POGLUT3: variants seen among roughly 807,000 people sequenced by gnomAD.
The protein encoded by POGLUT3 is protein O-glucosyltransferase 3.
In POGLUT3, 48 loss-of-function variants were observed where a neutral mutation model predicts 54.3. The ratio of observed to expected loss-of-function variants is 0.88; its 90% CI spans 0.70 to 1.12. The LOEUF (loss-of-function observed/expected upper bound fraction) is 1.12. Ranked by LOEUF, POGLUT3 falls within the 50% of genes most tolerant of loss-of-function variation. POGLUT3 has a pLI of 0.00. For missense variants in POGLUT3, 629 were observed against 618.7 expected, an observed-to-expected ratio of 1.02 and a Z score of -0.18; for synonymous variants, 218 against 237.4, an observed-to-expected ratio of 0.92 and a Z score of 0.75.
rs1391271858 is a variant in POGLUT3 at position 108,472,827 on chromosome 11, A to G, written c.*2000T>C. On this transcript the variant is annotated 3_prime_UTR_variant, in exon 8 of 8. Coordinates refer to ENST00000323468, the MANE Select transcript of POGLUT3 (RefSeq NM_153705.5). ...CAAATTCATTAGGTATGGGCTCAGG[A>G]CAGCTTGCTCTTATTTAATACTTGC... The G allele has an allele frequency of 2.0e-5, 3 of 152,194 alleles. No homozygotes were observed. In the East Asian group the frequency reaches 5.8e-4, roughly 29 times the overall value. 9.4% of individuals were successfully genotyped at this position (152,194 alleles called of 1,614,324 possible).
intron 7 of POGLUT3, among the ~76,000 whole-genome samples, chr11:108,475,392 G>A (rs1203047687): frequency 2.0e-5 from 3 of 151,748 alleles, no homozygotes; most frequent in African/African-American, 7.3e-5. Flanking sequence ...ATTTTTGAAT[G>A]GCAACAGGTC....
At chr11:108,479,757 T>C (rs2093589235) in intron 5 of POGLUT3, among the ~76,000 whole-genome samples, 1 of 152,234 alleles carries the variant, frequency 6.6e-6, no homozygotes, top group Admixed American at 6.5e-5. Flanking sequence ...CCTATTTCAA[T>C]CATGTCTCTG....
chr11:108,476,372 A>G (rs1275092941), intron 7 of POGLUT3, among the ~76,000 whole-genome samples: 3 of 152,118 alleles, frequency 2.0e-5, no homozygotes, highest in Non-Finnish European at 4.4e-5. Flanking sequence ...ACCTCAGGTG[A>G]TCCACCCTCC....
chr11:108,481,968 T>G (rs767782650), intron 4 of POGLUT3, 38 bp downstream of exon 4: 2 of 1,513,198 alleles, frequency 1.3e-6, no homozygotes, highest in Non-Finnish European at 1.8e-6. Context: ...GTCTCTAAGC[T>G]TTTTCTTCAT....
chr11:108,481,098 T>G, intron 5 of POGLUT3, 82 bp downstream of exon 5: 1 of 1,056,624 alleles, frequency 9.5e-7, no homozygotes, highest in Non-Finnish European at 1.4e-6. Flanking sequence ...CCAGGTGAAA[T>G]TTGCTGAAGC....
chr11:108,497,698 C>T (rs1468506901), intron 1 of POGLUT3, among the ~76,000 whole-genome samples: 1 of 152,216 alleles, frequency 6.6e-6, no homozygotes. Context: ...ACCCCTCCTC[C>T]TTCCTACGGC....
rs568802217 is a variant in POGLUT3 at position 108,483,382 on chromosome 11, C to A, written c.685-1160G>T. Among the ~76,000 whole-genome samples, 19 of 152,270 alleles carry A rather than the reference C, an allele frequency of 1.2e-4. No individual in the cohort carries two copies. The East Asian group carries it at 3.1e-3, about 25-fold the overall frequency. On this transcript the variant is annotated intron_variant, in intron 3 of 7. Coordinates refer to ENST00000323468, the MANE Select transcript of POGLUT3 (RefSeq NM_153705.5). ...AGTCTCCTTTCTCATCCTCCAAGCC[C>A]AGATCTAACACCACCTCTTCTATGA...
Position 108,486,221 on chromosome 11 carries a change from G to T in POGLUT3, c.620C>A (p.Ser207Tyr), listed in dbSNP as rs2093603013. 6.2e-7 allele frequency: 1 copy of T among 1,613,792 alleles called. No individual in the cohort carries two copies. Among genetic ancestry groups the T allele is most frequent in the South Asian group, 1.1e-5 (1 of 91,068 alleles). Residue 207 changes from serine to tyrosine, a missense_variant, in exon 3 of 8, where the codon TCT (serine) becomes TAT (tyrosine). Physicochemically the swap from Ser to Tyr is moderately radical, Grantham distance 144. Coordinates refer to ENST00000323468, the MANE Select transcript of POGLUT3 (RefSeq NM_153705.5). ...CTTGAAGTCTGTGTATTTCCCTAAA[G>T]ATCTCCGGTAAACATGGTTATTGAG... ...TILNNHVYRR[S>Y]LGKYTDFKMF...
chr11:108,481,569 A>G (rs1052380731), intron 4 of POGLUT3, among the ~76,000 whole-genome samples, 193 bp from the exon 5 acceptor site: 5 of 152,236 alleles, frequency 3.3e-5, no homozygotes, highest in African/African-American at 9.6e-5. Flanking sequence ...TTTCAAGTTT[A>G]GAGTTTAAAA....
At chr11:108,496,268 T>TA in intron 1 of POGLUT3, among the ~76,000 whole-genome samples, 1 of 151,714 alleles carries the variant, frequency 6.6e-6, no homozygotes, top group African/African-American at 2.4e-5. Flanking sequence ...CTGCAGTAGC[T>TA]ATGACTGTAC....
chr11:108,490,571 C>T (rs938258167), intron 2 of POGLUT3, among the ~76,000 whole-genome samples: 1 of 151,930 alleles, frequency 6.6e-6, no homozygotes, highest in Non-Finnish European at 1.5e-5. Context: ...TCAAAGTAAA[C>T]AAAAAACAAA....
In POGLUT3 at chr11:108,472,937, T is replaced by A. The variant is rs1278971020; in HGVS notation, c.*1890A>T. The stretch of plus-strand genomic sequence containing the variant: ...ATTAGACTGTTCTGAAATTTGGTTA[T>A]GCTTAGTCAAAAAATTCTGTTTATT... On this transcript the variant is annotated 3_prime_UTR_variant, in exon 8 of 8. Transcript: ENST00000323468. 6.6e-6 allele frequency: 1 copy of A among 152,246 alleles called. No homozygotes were observed. The highest frequency in any genetic ancestry group is 1.9e-4 in the East Asian group (1 of 5,202). The allele number at this position is 152,246 out of a possible 1,614,324, so 9.4% of individuals were successfully genotyped here. A position where few individuals can be genotyped will look rare whatever the true frequency, so the allele number is the denominator to read the frequency against.
rs1591645035 is a variant in POGLUT3, at chr11:108,491,019, C to G, written c.351G>C (p.Glu117Asp). 1 of 1,613,928 alleles carries G rather than the reference C, an allele frequency of 6.2e-7. No individual in the cohort carries two copies. The highest frequency in any genetic ancestry group is 1.3e-5 in the African/African-American group (1 of 74,910). Residue 117 changes from glutamate to aspartate, a missense_variant, in exon 2 of 8, where the codon GAG (glutamate) becomes GAC (aspartate). Transcript: ENST00000323468. ...CCACATGTTCATCACCATAAAGGACCTCTATCTTCAGGCCTTCATCGACAG... is the reference window on the plus strand; with the variant it reads ...CCACATGTTCATCACCATAAAGGACGTCTATCTTCAGGCCTTCATCGACAG... ...YETVDEGLKI[E>D]VLYGDEHVAQ...
chr11:108,490,154 T>C (rs1218600381), intron 2 of POGLUT3, among the ~76,000 whole-genome samples: 1 of 152,154 alleles, frequency 6.6e-6, no homozygotes, highest in African/African-American at 2.4e-5. Context: ...GCTGGGATTA[T>C]AGGTGTGAGC....
chr11:108,485,543 A>G (rs12418527), intron 3 of POGLUT3, among the ~76,000 whole-genome samples: 2 of 152,056 alleles, frequency 1.3e-5, no homozygotes, highest in African/African-American at 4.8e-5. Context: ...ATAAGAAGTA[A>G]CCTTGTTATA....
At chr11:108,488,642 A>G (rs771685257) in intron 2 of POGLUT3, among the ~76,000 whole-genome samples, 2 of 152,264 alleles carry the variant, frequency 1.3e-5, no homozygotes, top group African/African-American at 4.8e-5. Flanking sequence ...GCATATGATC[A>G]GTGCATTTTG....
chr11:108,482,286 C>T (rs1240262384), intron 3 of POGLUT3, 64 bp from the exon 4 acceptor site: 2 of 1,193,554 alleles, frequency 1.7e-6, no homozygotes, highest in African/African-American at 3.1e-5. Flanking sequence ...CTAAGTACAA[C>T]AGTTCTTTGG....
intron 3 of POGLUT3, 103 bp from the exon 4 acceptor site, chr11:108,482,325 C>T: frequency 1.3e-6 from 1 of 757,470 alleles, no homozygotes; most frequent in Non-Finnish European, 2.1e-6. Flanking sequence ...ACAGGGCTAA[C>T]CATTCAAAAA....
intron 1 of POGLUT3, among the ~76,000 whole-genome samples, chr11:108,494,667 A>T (rs1363281347): frequency 6.6e-6 from 1 of 152,246 alleles, no homozygotes; most frequent in Non-Finnish European, 1.5e-5. Context: ...AGCAAGCCAT[A>T]GTATAAAACA....
Sources: gnomAD v4.1 joint callset for allele counts (sites outside exome capture counted in the v4.1 genomes callset) on GRCh38, gnomAD v4.1.1 for gene constraint, MANE v1.5 for transcripts, NCBI Gene and HGNC (gene_info 2026-07-23, HGNC 2026-07-21) for gene names.